The following PCSK5 variants were observed in gnomAD, a reference collection of about 807,000 sequenced individuals.
PCSK5 encodes prohormone convertase 5.
A neutral mutation model predicts 233.2 loss-of-function variants in PCSK5; 129 were observed. The observed-to-expected ratio is 0.55, with a 90% CI of 0.48 to 0.64. PCSK5 has a LOEUF of 0.64. PCSK5 is among the 30% of genes least tolerant of loss of function. The pLI, the probability that PCSK5 is intolerant of heterozygous loss-of-function variation, is 0.00. For missense variants in PCSK5, 2,076 were observed against 2,430.1 expected, an observed-to-expected ratio of 0.85 and a Z score of 3.06; for synonymous variants, 825 against 879.2, an observed-to-expected ratio of 0.94 and a Z score of 1.09.
At chr9:76,328,277 C>T (rs1829429291) in intron 33 of PCSK5, 38 bp downstream of exon 33, 3 of 1,456,046 alleles carry the variant, frequency 2.1e-6, no homozygotes, top group African/African-American at 1.4e-5. Flanking sequence ...GTGTTTCCAT[C>T]TCTCTGGGAA....
At chr9:76,069,410 T>G (rs1018263545) in intron 6 of PCSK5, among the ~76,000 whole-genome samples, 2 of 151,270 alleles carry the variant, frequency 1.3e-5, no homozygotes, top group African/African-American at 2.4e-5. Flanking sequence ...GAGGATGAAC[T>G]TGTGAACTCA....
intron 20 of PCSK5, among the ~76,000 whole-genome samples, chr9:76,206,344 T>C (rs1825114370): frequency 1.3e-5 from 2 of 152,214 alleles, no homozygotes; most frequent in African/African-American, 4.8e-5. Context: ...ATTCTCACTT[T>C]CCTCATCTAT....
At chr9:75,903,743 C>T (rs988961001) in intron 1 of PCSK5, among the ~76,000 whole-genome samples, 4 of 151,314 alleles carry the variant, frequency 2.6e-5, no homozygotes, top group African/African-American at 9.7e-5. Flanking sequence ...TCCATGTTCC[C>T]ATGCTTGTAC....
At chr9:76,006,973 G>A (rs1827504616) in intron 3 of PCSK5, among the ~76,000 whole-genome samples, 1 of 152,066 alleles carries the variant, frequency 6.6e-6, no homozygotes, top group African/African-American at 2.4e-5. Context: ...TTATTTGCCA[G>A]TTTTCTTTAT....
intron 7 of PCSK5, among the ~76,000 whole-genome samples, chr9:76,089,663 T>C (rs1395936214): frequency 2.6e-5 from 4 of 152,194 alleles, no homozygotes; most frequent in Non-Finnish European, 5.9e-5. Context: ...CATGGCCTTT[T>C]AAAAATACTA....
chr9:76,315,603 G>T (rs1828998321), intron 30 of PCSK5, among the ~76,000 whole-genome samples: 1 of 151,246 alleles, frequency 6.6e-6, no homozygotes, highest in South Asian at 2.1e-4. Flanking sequence ...GACAGGAAAG[G>T]AGAACCAACT....
At chr9:76,334,790 A>G (rs901697154) in intron 34 of PCSK5, among the ~76,000 whole-genome samples, 4 of 152,158 alleles carry the variant, frequency 2.6e-5, no homozygotes, top group African/African-American at 9.7e-5. Flanking sequence ...AAGAACAGAG[A>G]TGGATGGCCA....
intron 3 of PCSK5, among the ~76,000 whole-genome samples, chr9:76,020,989 A>C (rs1828162043): frequency 6.6e-6 from 1 of 151,954 alleles, no homozygotes; most frequent in Non-Finnish European, 1.5e-5. Flanking sequence ...AGGCCCAAAA[A>C]CTCTTGGCCA....
chr9:75,906,265 G>A (rs1433765328), intron 1 of PCSK5, among the ~76,000 whole-genome samples: 1 of 151,922 alleles, frequency 6.6e-6, no homozygotes, highest in Non-Finnish European at 1.5e-5. Flanking sequence ...TCCCACTGTC[G>A]CCTAGGCTGG....
At chr9:76,299,466 C>T (rs1464363530) in intron 27 of PCSK5, among the ~76,000 whole-genome samples, 4 of 151,972 alleles carry the variant, frequency 2.6e-5, no homozygotes, top group South Asian at 4.2e-4. Flanking sequence ...GTCAGGAGTT[C>T]GAGACCAACC....
At chr9:75,996,815 GTT>G (rs35830280) in intron 3 of PCSK5, among the ~76,000 whole-genome samples, 1 of 141,368 alleles carries the variant, frequency 7.1e-6, no homozygotes. Context: ...TGTTAACAAA[GTT>G]TTTTTTTTTT....
intron 30 of PCSK5, among the ~76,000 whole-genome samples, chr9:76,320,820 G>GTT (rs201178647): frequency 1.5e-5 from 2 of 135,468 alleles, no homozygotes; most frequent in Admixed American, 7.4e-5. Flanking sequence ...TTTTGGTTTT[G>GTT]TTTTTTTTTT....
intron 2 of PCSK5, among the ~76,000 whole-genome samples, chr9:75,957,203 C>T (rs1472372381): frequency 6.6e-6 from 1 of 152,082 alleles, no homozygotes; most frequent in Admixed American, 6.5e-5. Flanking sequence ...TTCAGTATTG[C>T]GTCTTTTTGT....
rs148059111 is a variant in PCSK5, at chr9:76,153,418, T to G, written c.1313-3627T>G. ...TTCTATTTGAACTGGTCGGGATTCC[T>G]GTTCACACCAATGTTAATAGTGCTC... is the stretch of plus-strand genomic sequence containing the variant. On this transcript the variant is annotated intron_variant, in intron 10 of 37. Transcript: ENST00000674117. Among the ~76,000 whole-genome samples the G allele has an allele frequency of 1.0e-2, 1,516 of 152,348 alleles. 22 individuals carry two copies. Among genetic ancestry groups the G allele is most frequent in the African/African-American group, 0.034 (1,412 of 41,582 alleles).
intron 3 of PCSK5, among the ~76,000 whole-genome samples, chr9:75,988,431 AC>A (rs950745592): frequency 2.0e-5 from 3 of 151,642 alleles, no homozygotes; most frequent in African/African-American, 7.3e-5. Context: ...ATAGGTGCGC[AC>A]CACCATGCTT....
intron 5 of PCSK5, among the ~76,000 whole-genome samples, chr9:76,035,788 A>G (rs942627010): frequency 6.6e-6 from 1 of 152,086 alleles, no homozygotes; most frequent in Non-Finnish European, 1.5e-5. Flanking sequence ...GCATCCTTAT[A>G]TTTTCTTGTT....
intron 2 of PCSK5, among the ~76,000 whole-genome samples, chr9:75,973,913 A>T (rs1825907102): frequency 6.6e-6 from 1 of 152,202 alleles, no homozygotes; most frequent in Admixed American, 6.5e-5. Context: ...TGGGTCCAGT[A>T]AACACATCAT....
intron 3 of PCSK5, among the ~76,000 whole-genome samples, chr9:76,005,016 G>T (rs1351381831): frequency 6.6e-6 from 1 of 152,172 alleles, no homozygotes; most frequent in Non-Finnish European, 1.5e-5. Flanking sequence ...ACCTCCAAAT[G>T]CAATTCCATA....
At chr9:75,969,654 G>A (rs1188059680) in intron 2 of PCSK5, among the ~76,000 whole-genome samples, 2 of 152,156 alleles carry the variant, frequency 1.3e-5, no homozygotes, top group Non-Finnish European at 2.9e-5. Context: ...GCTTGTTGGT[G>A]GGTGTAGCTT....
Sources: gnomAD v4.1 joint callset for allele counts (sites outside exome capture counted in the v4.1 genomes callset) on GRCh38, gnomAD v4.1.1 for gene constraint, MANE v1.5 for transcripts, NCBI Gene and HGNC (gene_info 2026-07-23, HGNC 2026-07-21) for gene names.